Variants in TPRG1 observed in about 807,000 individuals in gnomAD.
TPRG1 encodes the protein tumor protein p63 regulated 1.
A neutral mutation model predicts 29.3 loss-of-function variants in TPRG1; 29 were observed. The observed-to-expected ratio is 0.99, with a 90% CI of 0.74 to 1.35. The LOEUF (loss-of-function observed/expected upper bound fraction) is 1.35, where lower values mean the gene tolerates loss of function less well. Ranked by LOEUF, TPRG1 falls within the 40% of genes most tolerant of loss-of-function variation. The pLI, the probability that TPRG1 is intolerant of heterozygous loss-of-function variation, is 0.00. For synonymous variants in TPRG1, 130 were observed against 116.8 expected (o/e 1.11, Z -0.73); for missense variants, 327 against 335.0 (o/e 0.98, Z 0.19).
At chr3:189,137,435 C>A (rs1171564692) in intron 3 of TPRG1, among the ~76,000 whole-genome samples, 1 of 150,238 alleles carries the variant, frequency 6.7e-6, no homozygotes, top group Non-Finnish European at 1.5e-5. Context: ...ACAAAAACAA[C>A]AAAAAAAGAA....
intron 4 of TPRG1, among the ~76,000 whole-genome samples, chr3:189,267,277 G>T (rs1714270266): frequency 6.6e-6 from 1 of 152,152 alleles, no homozygotes; most frequent in Non-Finnish European, 1.5e-5. Context: ...TGTGTAGGGT[G>T]TCCAAAAGTA....
rs568984870 is a variant in TPRG1, at chr3:189,172,953, G to A, written c.-10+822G>A. Among the ~76,000 whole-genome samples the A allele has an allele frequency of 9.9e-5, 15 of 152,264 alleles. No homozygotes were observed. In the South Asian group the frequency reaches 2.9e-3, roughly 29 times the overall value. ...CTTTTCAGTCACACTGTGGTATGTA[G>A]AAAAGCAAATCTCAATGGGGGAAAA... On this transcript the variant is annotated intron_variant, in intron 1 of 5. Coordinates refer to ENST00000345063, the MANE Select transcript of TPRG1 (RefSeq NM_198485.4).
intron 5 of TPRG1, among the ~76,000 whole-genome samples, chr3:189,317,757 T>C (rs1403242822): frequency 6.6e-6 from 1 of 152,188 alleles, no homozygotes; most frequent in Non-Finnish European, 1.5e-5. Flanking sequence ...GGTTGTCATA[T>C]CAAATGTATA....
intron 4 of TPRG1, among the ~76,000 whole-genome samples, chr3:189,069,968 C>T (rs1274015348): frequency 6.6e-6 from 1 of 152,126 alleles, no homozygotes; most frequent in Non-Finnish European, 1.5e-5. Context: ...GTAGTCCCAG[C>T]TACTCGGGAG....
chr3:189,202,463 T>C (rs995285000), intron 1 of TPRG1, among the ~76,000 whole-genome samples: 1 of 152,214 alleles, frequency 6.6e-6, no homozygotes, highest in Non-Finnish European at 1.5e-5. Context: ...ACAACATCAA[T>C]ATTAAAACTT....
rs1178513300 is a variant in TPRG1 at position 189,324,793 on chromosome 3, A to G, written c.*3973A>G. 1 of 152,208 alleles carries G rather than the reference A, an allele frequency of 6.6e-6. No individual in the cohort carries two copies. The highest frequency in any genetic ancestry group is 2.4e-5 in the African/African-American group (1 of 41,450). 9.4% of individuals were successfully genotyped at this position (152,208 alleles called of 1,614,324 possible). A position where few individuals can be genotyped will look rare whatever the true frequency, so the allele number is the denominator to read the frequency against. On this transcript the variant is annotated 3_prime_UTR_variant, in exon 6 of 6. Transcript: ENST00000345063. ...AGAGACTAATGCCTGTGGTTTTCAA[A>G]GGTTAACAACAACATAAAAAAGCCA...
intron 4 of TPRG1, among the ~76,000 whole-genome samples, chr3:189,306,766 G>T (rs1057370689): frequency 2.0e-5 from 3 of 152,124 alleles, no homozygotes; most frequent in African/African-American, 7.2e-5. Flanking sequence ...ATATGCTGGT[G>T]GGACAGTGCC....
intron 1 of TPRG1, among the ~76,000 whole-genome samples, chr3:189,187,721 A>G (rs1731138343): frequency 6.6e-6 from 1 of 152,216 alleles, no homozygotes; most frequent in African/African-American, 2.4e-5. Context: ...GGTAGCTGGT[A>G]AGTTGCAGAG....
At chr3:189,031,043 G>A (rs527515182) in intron 4 of TPRG1, among the ~76,000 whole-genome samples, 2 of 152,338 alleles carry the variant, frequency 1.3e-5, no homozygotes, top group South Asian at 4.1e-4. Flanking sequence ...GCTGAGGCGG[G>A]TGGATTGCTT....
At chr3:189,125,813 TTGTGTGTGTGTG>T (rs751689409) in intron 1 of TPRG1, among the ~76,000 whole-genome samples, 25,735 of 124,068 alleles carry the variant, frequency 0.21, 2,883 homozygotes, top group East Asian at 0.3. Flanking sequence ...GCAGGGTGTT[TTGTGTGTGTGTG>T]TGTGTGTGTG....
chr3:189,032,273 G>A (rs73048746), intron 4 of TPRG1, among the ~76,000 whole-genome samples: 2,546 of 152,242 alleles, frequency 0.017, 74 homozygotes, highest in African/African-American at 0.058. Context: ...CGTGACCTAA[G>A]GAATGTAGGT....
chr3:189,250,513 C>CACCG (rs1553931579), intron 4 of TPRG1, among the ~76,000 whole-genome samples: 2 of 88,738 alleles, frequency 2.3e-5, no homozygotes, highest in African/African-American at 4.8e-5. Context: ...CGCCCCCCCC[C>CACCG]CCCCACCCAG....
intron 4 of TPRG1, among the ~76,000 whole-genome samples, chr3:189,254,956 T>A (rs1351393883): frequency 1.3e-5 from 2 of 152,176 alleles, no homozygotes; most frequent in Admixed American, 1.3e-4. Flanking sequence ...TATACAGTCA[T>A]GTCATTTACA....
chr3:189,251,665 A>G (rs927730672), intron 4 of TPRG1, among the ~76,000 whole-genome samples: 9 of 152,256 alleles, frequency 5.9e-5, no homozygotes, highest in East Asian at 5.8e-4. Flanking sequence ...CAAGGTAAAG[A>G]ATTAAGTGCT....
chr3:189,252,787 T>C (rs777332103), intron 4 of TPRG1, among the ~76,000 whole-genome samples: 2 of 152,212 alleles, frequency 1.3e-5, no homozygotes, highest in Non-Finnish European at 2.9e-5. Context: ...TGCTTTCTAA[T>C]TTTTAAAGTG....
chr3:189,087,349 G>A (rs1424490043), intron 4 of TPRG1, among the ~76,000 whole-genome samples: 1 of 152,124 alleles, frequency 6.6e-6, no homozygotes, highest in Admixed American at 6.5e-5. Flanking sequence ...ATTTTTGATG[G>A]GGTCGTTAGT....
At chr3:189,295,140 G>T (rs1239682370) in intron 4 of TPRG1, among the ~76,000 whole-genome samples, 2 of 151,984 alleles carry the variant, frequency 1.3e-5, no homozygotes, top group East Asian at 1.9e-4. Context: ...TGGTTAAATC[G>T]CCACTTCTTC....
intron 3 of TPRG1, among the ~76,000 whole-genome samples, chr3:189,007,153 A>G (rs1712334952): frequency 6.6e-6 from 1 of 152,138 alleles, no homozygotes; most frequent in African/African-American, 2.4e-5. Context: ...CTCATCTGAC[A>G]AAGGGCTAAT....
At chr3:189,066,930 C>T (rs1716490840) in intron 4 of TPRG1, among the ~76,000 whole-genome samples, 1 of 152,132 alleles carries the variant, frequency 6.6e-6, no homozygotes, top group African/African-American at 2.4e-5. Context: ...CCTAAAGACT[C>T]CACCAAAAAA....
Sources: gnomAD v4.1 joint callset for allele counts (sites outside exome capture counted in the v4.1 genomes callset) on GRCh38, gnomAD v4.1.1 for gene constraint, MANE v1.5 for transcripts, NCBI Gene and HGNC (gene_info 2026-07-23, HGNC 2026-07-21) for gene names.